Variants in WARS2 observed in about 807,000 individuals in gnomAD.
WARS2 encodes the protein tryptophan--tRNA ligase, mitochondrial.
Under a neutral mutation model 36.5 loss-of-function variants are expected in WARS2, and 28 were observed. That is an observed-to-expected ratio of 0.77 (90% CI 0.57 to 1.05). WARS2 has a LOEUF of 1.05. Ranked by LOEUF, WARS2 falls within the 50% of genes least tolerant of loss-of-function variation. The pLI is 0.00. For synonymous variants in WARS2, 174 were observed against 178.4 expected, an observed-to-expected ratio of 0.98 and a Z score of 0.20; for missense variants, 435 against 456.8, an observed-to-expected ratio of 0.95 and a Z score of 0.44.
At chr1:119,087,368 A>G (rs1296078241) in intron 1 of WARS2, among the ~76,000 whole-genome samples, 2 of 152,210 alleles carry the variant, frequency 1.3e-5, no homozygotes, top group Non-Finnish European at 2.9e-5. Flanking sequence ...ATAACTATAA[A>G]GAAAATAAGT....
chr1:119,103,563 TTTAAC>T (rs1437383594), intron 1 of WARS2, among the ~76,000 whole-genome samples: 1 of 152,082 alleles, frequency 6.6e-6, no homozygotes, highest in African/African-American at 2.4e-5. Context: ...GAATTTGTAC[TTTAAC>T]TTTTTTGTAC....
chr1:119,084,652 C>T (rs1571335879), intron 1 of WARS2, among the ~76,000 whole-genome samples: 2 of 152,156 alleles, frequency 1.3e-5, no homozygotes, highest in South Asian at 2.1e-4. Context: ...AAAGGTCCCA[C>T]GATGCTGAGC....
At chr1:119,118,822 A>C (rs1359586646) in intron 1 of WARS2, among the ~76,000 whole-genome samples, 1 of 152,208 alleles carries the variant, frequency 6.6e-6, no homozygotes, top group Non-Finnish European at 1.5e-5. Context: ...TTTTACATCC[A>C]GCAAAACTAA....
At chr1:119,110,139 T>C (rs1221227477) in intron 1 of WARS2, among the ~76,000 whole-genome samples, 1 of 152,040 alleles carries the variant, frequency 6.6e-6, no homozygotes, top group Non-Finnish European at 1.5e-5. Context: ...GCTATAATTA[T>C]TTTGAATGAA....
intron 2 of WARS2, among the ~76,000 whole-genome samples, chr1:119,053,030 G>T (rs1322897692): frequency 6.6e-6 from 1 of 152,118 alleles, no homozygotes; most frequent in African/African-American, 2.4e-5. Flanking sequence ...AACATCAGTG[G>T]GACAGAAAGA....
Position 119,065,211 on chromosome 1 carries a change from A to C in WARS2, c.348+11139T>G, listed in dbSNP as rs554281122. 2.2e-3 allele frequency among the ~76,000 whole-genome samples: 342 copies of C among 152,350 alleles called. 1 individual carries two copies. Among genetic ancestry groups the C allele is most frequent in the African/African-American group, 7.6e-3 (316 of 41,586 alleles). ...TATAGTGAAAATACTATAACATATCACAACTTTGTCAATGCTGACAAAACA... is the reference window on the plus strand; with the variant it reads ...TATAGTGAAAATACTATAACATATCCCAACTTTGTCAATGCTGACAAAACA... On this transcript the variant is annotated intron_variant, in intron 2 of 5. Coordinates refer to ENST00000235521, the MANE Select transcript of WARS2 (RefSeq NM_015836.4).
intron 2 of WARS2, among the ~76,000 whole-genome samples, chr1:119,073,965 T>C (rs1272845964): frequency 6.6e-6 from 1 of 152,160 alleles, no homozygotes; most frequent in African/African-American, 2.4e-5. Flanking sequence ...TAAAAAGCAA[T>C]CTGGCAAGTG....
intron 1 of WARS2, among the ~76,000 whole-genome samples, chr1:119,101,346 G>C (rs1328761828): frequency 2.0e-5 from 3 of 151,794 alleles, no homozygotes; most frequent in Non-Finnish European, 4.4e-5. Context: ...AACAATATAA[G>C]AGTCATGTTA....
chr1:119,088,567 C>G (rs912464284), intron 1 of WARS2, among the ~76,000 whole-genome samples: 22 of 152,166 alleles, frequency 1.4e-4, no homozygotes, highest in African/African-American at 3.6e-4. Flanking sequence ...CATGTATAGG[C>G]AGAGGCCCCT....
chr1:119,112,899 A>G lies in WARS2; in HGVS notation c.90+27656T>C, dbSNP rs1318684938. 3.3e-5 allele frequency among the ~76,000 whole-genome samples: 5 copies of G among 152,314 alleles called. No individual in the cohort carries two copies. The East Asian group carries it at 9.7e-4, about 29-fold the overall frequency. ...GTAAGTGGGGGTTTGCTGAGTGCACACAACAGAGGAAGAGACTGCAAAGGG... is the reference window on the plus strand; with the variant it reads ...GTAAGTGGGGGTTTGCTGAGTGCACGCAACAGAGGAAGAGACTGCAAAGGG... On this transcript the variant is annotated intron_variant, in intron 1 of 5. Coordinates refer to ENST00000235521, the MANE Select transcript of WARS2 (RefSeq NM_015836.4).
intron 2 of WARS2, among the ~76,000 whole-genome samples, chr1:119,070,197 C>A (rs1419214676): frequency 6.6e-6 from 1 of 152,098 alleles, no homozygotes; most frequent in Non-Finnish European, 1.5e-5. Flanking sequence ...ATATTTAATT[C>A]CTGTGGCTGT....
chr1:119,036,732 A>G (rs899163337), intron 4 of WARS2, among the ~76,000 whole-genome samples: 2 of 152,230 alleles, frequency 1.3e-5, no homozygotes, highest in Admixed American at 6.5e-5. Context: ...CTCTGCATGC[A>G]TCTTTGCCTG....
chr1:119,124,599 C>A (rs587601194), intron 1 of WARS2, among the ~76,000 whole-genome samples: 1 of 152,234 alleles, frequency 6.6e-6, no homozygotes, highest in African/African-American at 2.4e-5. Context: ...CACCACTCAC[C>A]GTAGTCCAAG....
intron 1 of WARS2, chr1:119,127,247 C>T (rs1655730211): frequency 1.3e-6 from 1 of 769,770 alleles, no homozygotes; most frequent in Admixed American, 1.8e-5. Flanking sequence ...TCTTGGCTCC[C>T]TTTTTGCCGC....
intron 1 of WARS2, among the ~76,000 whole-genome samples, chr1:119,091,662 G>C (rs587744154): frequency 5.3e-4 from 81 of 152,258 alleles, no homozygotes; most frequent in African/African-American, 1.9e-3. Flanking sequence ...CCCATACCAG[G>C]GCAGGTGACA....
chr1:119,136,288 T>C (rs963878575), intron 1 of WARS2, among the ~76,000 whole-genome samples: 10 of 152,208 alleles, frequency 6.6e-5, no homozygotes, highest in Non-Finnish European at 1.0e-4. Flanking sequence ...TCTGCTAGCA[T>C]AAATCCTCAG....
chr1:119,129,915 G>T (rs587762963), intron 1 of WARS2, among the ~76,000 whole-genome samples: 1 of 152,102 alleles, frequency 6.6e-6, no homozygotes, highest in South Asian at 2.1e-4. Context: ...CACAACCTTG[G>T]CTATATAGAT....
intron 2 of WARS2, among the ~76,000 whole-genome samples, chr1:119,058,307 CTTTTTT>C (rs56404141): frequency 7.8e-6 from 1 of 128,092 alleles, no homozygotes; most frequent in Non-Finnish European, 1.6e-5. Context: ...TTCCCTATTT[CTTTTTT>C]TTTTTTTTTA....
chr1:119,116,551 A>C (rs1158090898), intron 1 of WARS2, among the ~76,000 whole-genome samples: 2 of 152,186 alleles, frequency 1.3e-5, no homozygotes, highest in Non-Finnish European at 2.9e-5. Context: ...ATAGCCAAAA[A>C]ACTGTGAGTT....
Sources: gnomAD v4.1 joint callset for allele counts (sites outside exome capture counted in the v4.1 genomes callset) on GRCh38, gnomAD v4.1.1 for gene constraint, MANE v1.5 for transcripts, NCBI Gene and HGNC (gene_info 2026-07-23, HGNC 2026-07-21) for gene names.